The following MYH10 variants were observed in gnomAD, a reference collection of about 807,000 sequenced individuals.
MYH10 encodes the protein myosin-10.
Under a neutral mutation model 257.8 loss-of-function variants are expected in MYH10, and 55 were observed. That is an observed-to-expected ratio of 0.21 (90% CI 0.17 to 0.27). The LOEUF (loss-of-function observed/expected upper bound fraction) is 0.27. Among genes scored for constraint, MYH10 ranks in the 10% least tolerant of loss-of-function variants. The probability of loss-of-function intolerance (pLI) is 1.00; values close to 1 mark genes in which losing one functional copy is unlikely to be tolerated. For missense variants in MYH10, 1,631 were observed against 2,500.6 expected (o/e 0.65, Z 7.42); for synonymous variants, 854 against 921.7 (o/e 0.93, Z 1.33).
intron 17 of MYH10, among the ~76,000 whole-genome samples, chr17:8,527,912 C>T (rs773405237): frequency 5.9e-5 from 9 of 152,172 alleles, no homozygotes; most frequent in South Asian, 2.1e-4. Context: ...CCATTGAAAG[C>T]GAGAACAATT....
chr17:8,531,592 T>G (rs2082005447), intron 16 of MYH10, among the ~76,000 whole-genome samples: 1 of 151,282 alleles, frequency 6.6e-6, no homozygotes, highest in African/African-American at 2.4e-5. Flanking sequence ...GGTCTCGCTG[T>G]GTTGCCCAGG....
intron 3 of MYH10, among the ~76,000 whole-genome samples, chr17:8,599,846 G>C (rs566354049): frequency 3.4e-4 from 52 of 152,176 alleles, no homozygotes; most frequent in Non-Finnish European, 6.5e-4. Context: ...TGAAGGACTA[G>C]GTAAGACCAG....
At chr17:8,509,452 T>C (rs951999905) in intron 25 of MYH10, among the ~76,000 whole-genome samples, 1 of 152,242 alleles carries the variant, frequency 6.6e-6, no homozygotes, top group Non-Finnish European at 1.5e-5. Flanking sequence ...CTTACACGTC[T>C]TGGTGCCCAC....
At chr17:8,491,951 C>G (rs988764989) in intron 34 of MYH10, among the ~76,000 whole-genome samples, 1 of 152,192 alleles carries the variant, frequency 6.6e-6, no homozygotes, top group Non-Finnish European at 1.5e-5. Context: ...CCCCACTCAC[C>G]TCATGTTTGA....
intron 42 of MYH10, among the ~76,000 whole-genome samples, 168 bp from the exon 43 acceptor site, chr17:8,476,116 C>G (rs1912556538): frequency 6.6e-6 from 1 of 152,238 alleles, no homozygotes; most frequent in South Asian, 2.1e-4. Context: ...GCTTTTCTGC[C>G]TCTCCCACAA....
At chr17:8,608,810 ATTTTTTTTTTT>A (rs531809094) in intron 2 of MYH10, among the ~76,000 whole-genome samples, 1 of 140,806 alleles carries the variant, frequency 7.1e-6, no homozygotes, top group South Asian at 2.3e-4. Context: ...TGATTGGGAA[ATTTTTTTTTTT>A]TTTTTTTTGA....
intron 3 of MYH10, among the ~76,000 whole-genome samples, chr17:8,594,223 T>C (rs574301274): frequency 6.4e-4 from 97 of 152,292 alleles, no homozygotes; most frequent in African/African-American, 2.2e-3. Context: ...GACTTATATC[T>C]AGAAAGGACA....
At chr17:8,565,640 A>C (rs1044026710) in intron 7 of MYH10, among the ~76,000 whole-genome samples, 15 of 152,392 alleles carry the variant, frequency 9.8e-5, no homozygotes, top group Admixed American at 9.1e-4. Context: ...TACTAAAAAC[A>C]AATCAGCTTT....
At chr17:8,549,357 T>A (rs2082547340) in intron 9 of MYH10, among the ~76,000 whole-genome samples, 1 of 152,198 alleles carries the variant, frequency 6.6e-6, no homozygotes, top group Non-Finnish European at 1.5e-5. Context: ...GATGATGTGA[T>A]GTGGCGCAGC....
At chr17:8,583,557 C>G (rs1366260037) in intron 4 of MYH10, among the ~76,000 whole-genome samples, 1 of 152,132 alleles carries the variant, frequency 6.6e-6, no homozygotes, top group Non-Finnish European at 1.5e-5. Flanking sequence ...TCACATAGTT[C>G]ATGGCAGAGC....
intron 3 of MYH10, among the ~76,000 whole-genome samples, chr17:8,594,047 C>T (rs2084270200): frequency 6.6e-6 from 1 of 152,018 alleles, no homozygotes; most frequent in Non-Finnish European, 1.5e-5. Context: ...GGTACAAAGG[C>T]AATTCAATGG....
chr17:8,494,144 C>T (rs1432715548), intron 31 of MYH10, among the ~76,000 whole-genome samples: 1 of 152,184 alleles, frequency 6.6e-6, no homozygotes, highest in African/African-American at 2.4e-5. Context: ...AGCCTCCAGG[C>T]ATCCCCGAGG....
intron 14 of MYH10, among the ~76,000 whole-genome samples, chr17:8,536,539 T>C (rs1476001052): frequency 1.3e-5 from 2 of 152,080 alleles, no homozygotes; most frequent in Non-Finnish European, 2.9e-5. Context: ...TATTACTTCA[T>C]TGAAAAAAAG....
At chr17:8,478,055 A>C (rs2151763472) in intron 41 of MYH10, among the ~76,000 whole-genome samples, 1 of 152,300 alleles carries the variant, frequency 6.6e-6, no homozygotes, top group South Asian at 2.1e-4. Flanking sequence ...CAGGGAGCAA[A>C]ACAGGCAGAA....
intron 36 of MYH10, among the ~76,000 whole-genome samples, chr17:8,485,753 G>A (rs1394332754): frequency 6.6e-6 from 1 of 152,222 alleles, no homozygotes; most frequent in Non-Finnish European, 1.5e-5. Flanking sequence ...TGCAGTGACT[G>A]TGGGAAACAG....
chr17:8,563,591 C>T (rs2083064913), intron 7 of MYH10, among the ~76,000 whole-genome samples: 1 of 152,198 alleles, frequency 6.6e-6, no homozygotes, highest in South Asian at 2.1e-4. Context: ...TTGCCTGGTG[C>T]AGACCATATT....
At chr17:8,491,691 T>C (rs1371010363) in intron 34 of MYH10, among the ~76,000 whole-genome samples, 1 of 152,164 alleles carries the variant, frequency 6.6e-6, no homozygotes, top group Non-Finnish European at 1.5e-5. Context: ...AACCTTGCCT[T>C]TGATACCAGG....
Position 8,487,480 on chromosome 17 carries a change from C to A in MYH10, c.4999G>T (p.Ala1667Ser), listed in dbSNP as rs776737190. 1.4e-5 allele frequency: 22 copies of A among 1,614,094 alleles called. No homozygotes were observed. The Middle Eastern group carries it at 1.5e-3, about 109-fold the overall frequency. Residue 1667 changes from alanine to serine, a missense_variant, in exon 36 of 43, where the codon GCG becomes TCG. This residue lies in a region of MYH10 where 463 missense variants were observed against 621.8 expected (regional missense o/e 0.74). Coordinates refer to ENST00000360416, the MANE Select transcript of MYH10 (RefSeq NM_001256012.3). ...ATCACCTCATCCCGAGCTTTGTTCG[C>A]AGCCTCGATTTGGGCTTCGAGGTCC... ...LKDLEAQIEA[A>S]NKARDEVIKQ...
chr17:8,504,342 G>T lies in MYH10; in HGVS notation c.3599+352C>A, dbSNP rs2081004294. 6.6e-6 allele frequency among the ~76,000 whole-genome samples: 1 copy of T among 152,068 alleles called. No individual in the cohort carries two copies. The highest frequency in any genetic ancestry group is 1.5e-5 in the Non-Finnish European group (1 of 68,022). ...CCTGGGTATCTCCTCCTATTCCTGT[G>T]TTTACCCTTCTCCCTCTGGTCCTAT... On this transcript the variant is annotated intron_variant, in intron 28 of 42. Coordinates refer to ENST00000360416, the MANE Select transcript of MYH10 (RefSeq NM_001256012.3). The surrounding 1 kb of genome is among the most constrained non-coding windows in gnomAD (Gnocchi z 5.6).
Sources: gnomAD v4.1 joint callset for allele counts (sites outside exome capture counted in the v4.1 genomes callset) on GRCh38, gnomAD v4.1.1 for gene constraint, gnomAD v4.1.1 regional missense constraint, Gnocchi (gnomAD v3.1) non-coding constraint, MANE v1.5 for transcripts, NCBI Gene and HGNC (gene_info 2026-07-23, HGNC 2026-07-21) for gene names.